The following DLG2 variants were observed in gnomAD, a reference collection of about 807,000 sequenced individuals.
DLG2 encodes the protein disks large homolog 2.
DLG2 carries 45 observed loss-of-function variants against 132.5 expected under a neutral mutation model. The ratio of observed to expected loss-of-function variants is 0.34; its 90% CI spans 0.27 to 0.44. The LOEUF is 0.44. DLG2 is among the 20% of genes least tolerant of loss of function. The pLI is 1.00. For missense variants in DLG2, 1,045 were observed against 1,196.9 expected, an observed-to-expected ratio of 0.87 and a Z score of 1.87; for synonymous variants, 424 against 419.6, an observed-to-expected ratio of 1.01 and a Z score of -0.13.
intron 21 of DLG2, among the ~76,000 whole-genome samples, chr11:83,515,184 A>G (rs533423233): frequency 5.9e-5 from 9 of 152,204 alleles, no homozygotes; most frequent in African/African-American, 2.2e-4. Context: ...GTAAGCTATT[A>G]ATTATTGCCT....
At chr11:85,356,385 G>A (rs766204336) in intron 3 of DLG2, among the ~76,000 whole-genome samples, 15 of 151,680 alleles carry the variant, frequency 9.9e-5, no homozygotes, top group African/African-American at 2.7e-4. Flanking sequence ...TTTACATAAT[G>A]ATGAGGAAAG....
At chr11:83,965,275 C>T in intron 13 of DLG2, 49 bp downstream of exon 13, 2 of 1,552,102 alleles carry the variant, frequency 1.3e-6, no homozygotes, top group Non-Finnish European at 1.7e-6. Context: ...TTATAGAATT[C>T]CAGTTCTGCA....
intron 6 of DLG2, among the ~76,000 whole-genome samples, chr11:84,777,908 G>T (rs1481431994): frequency 6.6e-6 from 1 of 152,032 alleles, no homozygotes; most frequent in South Asian, 2.1e-4. Context: ...CAGGCTGTCT[G>T]TTCACTCTGT....
intron 4 of DLG2, among the ~76,000 whole-genome samples, chr11:85,271,534 C>G (rs369297428): frequency 6.6e-6 from 1 of 152,174 alleles, no homozygotes; most frequent in South Asian, 2.1e-4. Context: ...ACCGTGCACC[C>G]AGAAAAGCCA....
At chr11:83,874,863 G>A (rs2064364058) in intron 15 of DLG2, among the ~76,000 whole-genome samples, 1 of 152,062 alleles carries the variant, frequency 6.6e-6, no homozygotes, top group Non-Finnish European at 1.5e-5. Context: ...ATTTTAATAT[G>A]TATTATTCAA....
At chr11:83,803,901 A>G (rs1051969776) in intron 17 of DLG2, among the ~76,000 whole-genome samples, 4 of 152,094 alleles carry the variant, frequency 2.6e-5, no homozygotes, top group African/African-American at 9.7e-5. Context: ...GCAAAACTCA[A>G]ACTCTGGCTG....
At chr11:84,396,820 T>TA (rs1227984192) in intron 7 of DLG2, among the ~76,000 whole-genome samples, 10 of 152,220 alleles carry the variant, frequency 6.6e-5, no homozygotes, top group Admixed American at 3.3e-4. Context: ...TCTGTAAAGT[T>TA]CTTTTGATTC....
chr11:84,765,242 G>T (rs1597588677), intron 6 of DLG2, among the ~76,000 whole-genome samples: 2 of 150,872 alleles, frequency 1.3e-5, no homozygotes, highest in South Asian at 2.1e-4. Flanking sequence ...TGTATGCCAG[G>T]TTGAATTATA....
chr11:85,246,507 T>G (rs1001819953), intron 4 of DLG2, among the ~76,000 whole-genome samples: 1 of 151,640 alleles, frequency 6.6e-6, no homozygotes, highest in East Asian at 1.9e-4. Flanking sequence ...TGTTTATTAC[T>G]GTCTCTCACA....
chr11:83,775,924 C>T (rs1478112140), intron 18 of DLG2, among the ~76,000 whole-genome samples: 1 of 151,922 alleles, frequency 6.6e-6, no homozygotes, highest in Non-Finnish European at 1.5e-5. Context: ...AACCTCGTCT[C>T]TACTAAAAAT....
chr11:85,384,034 C>T lies in DLG2; in HGVS notation c.41-98669G>A, dbSNP rs550053046. ...GTTCTGACTCTAAGTAAACTGTCTC[C>T]TAGTTAATACTCCTTTATATCTTTC... On this transcript the variant is annotated intron_variant, in intron 3 of 27. Transcript: ENST00000376104. 1.6e-4 allele frequency among the ~76,000 whole-genome samples: 25 copies of T among 152,252 alleles called. No individual in the cohort carries two copies. In the South Asian group the frequency reaches 5.0e-3, roughly 30 times the overall value.
rs1205439640 is a variant in DLG2 at position 84,251,301 on chromosome 11, G to T, written c.520-10C>A. On this transcript the variant is annotated splice_polypyrimidine_tract_variant and intron_variant, in intron 7 of 27. Coordinates refer to ENST00000376104, the MANE Select transcript of DLG2 (RefSeq NM_001142699.3). ...TAGGAGCAGGACTGGCCTGAAAAAA[G>T]AAATAGAAAAAAAATTAAATAATGA... The T allele has an allele frequency of 1.3e-6, 2 of 1,562,380 alleles. No individual in the cohort carries two copies. The highest frequency in any genetic ancestry group is 1.7e-6 in the Non-Finnish European group (2 of 1,157,432).
At chr11:84,578,288 T>C (rs10792766) in intron 6 of DLG2, among the ~76,000 whole-genome samples, 78,421 of 151,760 alleles carry the variant, frequency 0.52, 22,015 homozygotes, top group African/African-American at 0.74. Context: ...AGAGGGCCAC[T>C]GTGCTCCAGA....
chr11:84,185,323 C>T (rs2096252890), intron 8 of DLG2, among the ~76,000 whole-genome samples: 1 of 152,090 alleles, frequency 6.6e-6, no homozygotes, highest in Non-Finnish European at 1.5e-5. Flanking sequence ...ATTTTATTCT[C>T]TTTGAAGCAA....
At chr11:83,868,645 G>A (rs900325372) in intron 16 of DLG2, among the ~76,000 whole-genome samples, 1 of 151,898 alleles carries the variant, frequency 6.6e-6, no homozygotes, top group African/African-American at 2.4e-5. Context: ...TTGCTTCTCT[G>A]TTTTGATAGA....
At chr11:83,982,226 C>T (rs1336209337) in intron 11 of DLG2, among the ~76,000 whole-genome samples, 1 of 151,946 alleles carries the variant, frequency 6.6e-6, no homozygotes, top group East Asian at 1.9e-4. Context: ...GTGTACCCCT[C>T]TCCTTATTAA....
At chr11:83,873,705 G>A (rs1449565972) in intron 16 of DLG2, among the ~76,000 whole-genome samples, 3 of 152,174 alleles carry the variant, frequency 2.0e-5, no homozygotes, top group Non-Finnish European at 4.4e-5. Context: ...TAAGCACTCA[G>A]TAAATGTTAG....
chr11:85,290,362 C>A (rs2152769172), intron 3 of DLG2, among the ~76,000 whole-genome samples: 1 of 152,132 alleles, frequency 6.6e-6, no homozygotes, highest in African/African-American at 2.4e-5. Flanking sequence ...TTCCTGGGGA[C>A]ATGGGGCCTG....
chr11:85,227,931 T>C (rs2075072119), intron 4 of DLG2, among the ~76,000 whole-genome samples: 1 of 152,110 alleles, frequency 6.6e-6, no homozygotes, highest in South Asian at 2.1e-4. Context: ...ACATGTTGTC[T>C]CTACCCAGGA....
Sources: gnomAD v4.1 joint callset for allele counts (sites outside exome capture counted in the v4.1 genomes callset) on GRCh38, gnomAD v4.1.1 for gene constraint, MANE v1.5 for transcripts, NCBI Gene and HGNC (gene_info 2026-07-23, HGNC 2026-07-21) for gene names.